MYOM3: variants seen among roughly 807,000 people sequenced by gnomAD.
The protein encoded by MYOM3 is myomesin-3.
A neutral mutation model predicts 191.7 loss-of-function variants in MYOM3; 155 were observed. The ratio of observed to expected loss-of-function variants is 0.81; its 90% confidence interval spans 0.71 to 0.92. The LOEUF is 0.92. Ranked by LOEUF, MYOM3 falls within the 40% of genes least tolerant of loss-of-function variation. MYOM3 has a pLI of 0.00. For missense variants in MYOM3, 1,889 were observed against 1,890.6 expected, an observed-to-expected ratio of 1.00 and a Z score of 0.02; for synonymous variants, 757 against 762.9, an observed-to-expected ratio of 0.99 and a Z score of 0.13.
At chr1:24,066,505 A>T (rs188752319) in intron 28 of MYOM3, 165 of 493,228 alleles carry the variant, frequency 3.3e-4, no homozygotes, top group Non-Finnish European at 9.1e-5. Flanking sequence ...AAACAGGCTG[A>T]AGAGTGCTAA....
intron 29 of MYOM3, chr1:24,065,662 TGGGGG>T: frequency 1.7e-6 from 1 of 585,556 alleles, no homozygotes; most frequent in Admixed American, 2.9e-5. Flanking sequence ...ATTGAAAATT[TGGGGG>T]CTTTAATAGT....
Position 24,063,583 on chromosome 1 carries a change from T to C in MYOM3, c.3623-53A>G. The C allele has an allele frequency of 6.2e-7, 1 of 1,606,184 alleles. No individual in the cohort carries two copies. The highest frequency in any genetic ancestry group is 8.5e-7 in the Non-Finnish European group (1 of 1,173,172). On this transcript the variant is annotated intron_variant, in intron 30 of 36. Coordinates refer to ENST00000374434, the MANE Select transcript of MYOM3 (RefSeq NM_152372.4). The surrounding 1 kb of genome is among the most constrained non-coding windows in gnomAD (Gnocchi z 4.5). ...CTGGCATAGGGCTCCCCTAGGGATG[T>C]GCTAGGAGTGGGGACATCCTAGAAA...
intron 11 of MYOM3, 129 bp downstream of exon 11, chr1:24,092,045 G>A (rs1050387307): frequency 1.1e-5 from 10 of 882,286 alleles, no homozygotes; most frequent in Admixed American, 3.6e-5. Flanking sequence ...CCTGTCTCCT[G>A]TCCTTTTCTG....
rs377758427 is a variant in MYOM3 at position 24,071,086 on chromosome 1, C to T, written c.3150+31G>A. Reference sequence around the variant, plus strand: ...GAGGCCACCTCCCCGGCAGGGGAGCCTCACTTCAGGGATTGTGAGCACCCA... The same window carrying T: ...GAGGCCACCTCCCCGGCAGGGGAGCTTCACTTCAGGGATTGTGAGCACCCA... On this transcript the variant is annotated intron_variant, in intron 25 of 36. Transcript: ENST00000374434. 2.2e-5 allele frequency: 35 copies of T among 1,605,770 alleles called. No homozygotes were observed. The African/African-American group carries it at 3.9e-4, about 18-fold the overall frequency.
At chr1:24,068,730 G>A (rs886735082) in intron 25 of MYOM3, among the ~76,000 whole-genome samples, 7 of 151,706 alleles carry the variant, frequency 4.6e-5, no homozygotes, top group African/African-American at 1.7e-4. Flanking sequence ...TCTTGAGACA[G>A]TGTCTCACTC....
intron 8 of MYOM3, among the ~76,000 whole-genome samples, chr1:24,095,217 T>G (rs1196618194): frequency 6.6e-6 from 1 of 152,166 alleles, no homozygotes; most frequent in Non-Finnish European, 1.5e-5. Flanking sequence ...GGCTTTGCCT[T>G]TCAAACCCAG....
intron 32 of MYOM3, among the ~76,000 whole-genome samples, chr1:24,062,596 G>A (rs1335066812): frequency 6.6e-6 from 1 of 152,210 alleles, no homozygotes; most frequent in African/African-American, 2.4e-5. Flanking sequence ...GCCACTCAGA[G>A]AGTGGCTGAG....
chr1:24,082,557 G>A, intron 17 of MYOM3, 36 bp downstream of exon 17: 1 of 1,544,774 alleles, frequency 6.5e-7, no homozygotes, highest in Non-Finnish European at 8.7e-7. Flanking sequence ...GCCCAGCCCA[G>A]GGAGGTTTGC....
intron 20 of MYOM3, among the ~76,000 whole-genome samples, chr1:24,077,025 T>C (rs1323592551): frequency 6.6e-6 from 1 of 150,930 alleles, no homozygotes; most frequent in Non-Finnish European, 1.5e-5. Flanking sequence ...TTTCACCATG[T>C]TGGCCAGGCT....
At chr1:24,112,005 C>G (rs971669547) in intron 1 of MYOM3, 26 bp downstream of exon 1, 3 of 152,322 alleles carry the variant, frequency 2.0e-5, no homozygotes, top group Non-Finnish European at 2.9e-5. Flanking sequence ...ATCCCTCCCC[C>G]ACCCTGATTT....
At chr1:24,103,049 G>A (rs543604422) in intron 5 of MYOM3, among the ~76,000 whole-genome samples, 103 of 152,344 alleles carry the variant, frequency 6.8e-4, no homozygotes, top group African/African-American at 2.5e-3. Flanking sequence ...GGCTGGAGGT[G>A]GACCTGGGCT....
At chr1:24,066,971 C>A in intron 28 of MYOM3, 50 bp downstream of exon 28, 4 of 1,510,448 alleles carry the variant, frequency 2.6e-6, no homozygotes, top group Non-Finnish European at 2.7e-6. Flanking sequence ...TGGGGACAAG[C>A]CACAGGTCCC....
intron 25 of MYOM3, among the ~76,000 whole-genome samples, chr1:24,069,901 C>A (rs961893064): frequency 5.9e-4 from 90 of 151,832 alleles, no homozygotes; most frequent in Admixed American, 8.5e-4. Flanking sequence ...ATGGGCACCC[C>A]GCCCAGCCAC....
At chr1:24,061,010 G>T (rs1301415004) in intron 35 of MYOM3, 50 bp downstream of exon 35, 9 of 1,611,366 alleles carry the variant, frequency 5.6e-6, no homozygotes, top group Non-Finnish European at 7.6e-6. Flanking sequence ...CTTCCAGGAA[G>T]TTTGCCCCAA....
chr1:24,096,552 C>T (rs1319921507), intron 7 of MYOM3, among the ~76,000 whole-genome samples: 1 of 152,200 alleles, frequency 6.6e-6, no homozygotes, highest in Non-Finnish European at 1.5e-5. Flanking sequence ...CTTGGCCTGG[C>T]AGCAGGATCT....
intron 6 of MYOM3, among the ~76,000 whole-genome samples, chr1:24,098,259 A>G (rs1643889082): frequency 3.9e-5 from 6 of 152,246 alleles, no homozygotes; most frequent in Admixed American, 3.9e-4. Context: ...GTGCTTTAAA[A>G]ATATGACATG....
chr1:24,068,493 G>A, intron 25 of MYOM3, 126 bp from the exon 26 acceptor site: 1 of 1,140,408 alleles, frequency 8.8e-7, no homozygotes, highest in East Asian at 2.4e-5. Context: ...ACTGGGGCTG[G>A]CCGTTGGGTA....
In MYOM3 at chr1:24,084,230, G is replaced by A. The variant is rs76985365; in HGVS notation, c.1970+238C>T. 5.8e-3 allele frequency: 2,928 copies of A among 502,288 alleles called. 81 individuals are homozygous for A. The highest frequency in any genetic ancestry group is 0.05 in the African/African-American group (2,613 of 51,784). The allele number at this position is 502,288 out of a possible 1,614,324, so 31.1% of individuals were successfully genotyped here. A position where few individuals can be genotyped will look rare whatever the true frequency, so the allele number is the denominator to read the frequency against. On this transcript the variant is annotated intron_variant, in intron 16 of 36. Coordinates refer to ENST00000374434, the MANE Select transcript of MYOM3 (RefSeq NM_152372.4). ...AGATCTGCTTGTTTGGAAGTGTGTAGCACTTCCTGCTTTGCTCTTTCTCCC... is the reference window on the plus strand; with the variant it reads ...AGATCTGCTTGTTTGGAAGTGTGTAACACTTCCTGCTTTGCTCTTTCTCCC...
intron 7 of MYOM3, 129 bp from the exon 8 acceptor site, chr1:24,095,615 G>A: frequency 1.4e-6 from 1 of 725,626 alleles, no homozygotes; most frequent in Admixed American, 2.8e-5. Context: ...GTGGCTTTGG[G>A]AAAGTTCTTT....
Sources: allele counts gnomAD v4.1 joint callset (sites outside exome capture counted in the v4.1 genomes callset), GRCh38; gene constraint gnomAD v4.1.1; non-coding constraint Gnocchi (gnomAD v3.1); transcripts MANE v1.5; gene names NCBI Gene and HGNC (gene_info 2026-07-23, HGNC 2026-07-21).